The following NRXN3 variants were observed in gnomAD, a reference collection of about 807,000 sequenced individuals.
The protein encoded by NRXN3 is neurexin III.
A neutral mutation model predicts 137.6 loss-of-function variants in NRXN3; 32 were observed. The observed-to-expected ratio is 0.23, with a 90% CI of 0.18 to 0.31. The LOEUF (loss-of-function observed/expected upper bound fraction) is 0.31, where lower values mean the gene tolerates loss of function less well. Ranked by LOEUF, NRXN3 falls within the 10% of genes least tolerant of loss-of-function variation. The pLI is 1.00. For missense variants in NRXN3, 1,574 were observed against 2,062.5 expected, an observed-to-expected ratio of 0.76 and a Z score of 4.59; for synonymous variants, 798 against 784.5, an observed-to-expected ratio of 1.02 and a Z score of -0.29.
intron 4 of NRXN3, among the ~76,000 whole-genome samples, chr14:78,463,216 G>A (rs868703104): frequency 1.3e-5 from 2 of 152,018 alleles, no homozygotes; most frequent in African/African-American, 4.8e-5. Context: ...CATAGTGTGT[G>A]TATACATATA....
At chr14:79,114,864 T>C (rs554457551) in intron 15 of NRXN3, among the ~76,000 whole-genome samples, 2 of 152,084 alleles carry the variant, frequency 1.3e-5, no homozygotes, top group African/African-American at 4.8e-5. Flanking sequence ...AGTCTATACC[T>C]CTCTCTTGTC....
intron 15 of NRXN3, among the ~76,000 whole-genome samples, chr14:79,175,506 A>T (rs1366566723): frequency 6.6e-6 from 1 of 152,244 alleles, no homozygotes; most frequent in Non-Finnish European, 1.5e-5. Context: ...TATCAATATG[A>T]CTGTAAACTT....
chr14:79,405,005 G>A (rs1162292002), intron 15 of NRXN3, among the ~76,000 whole-genome samples: 2 of 152,126 alleles, frequency 1.3e-5, no homozygotes, highest in African/African-American at 4.8e-5. Context: ...TCCATGCAAT[G>A]ATCAAGTTCA....
At position 79,003,546 on chromosome 14, in the gene NRXN3, G is replaced by T. The variant is rs575829246; in HGVS notation, c.3262+15405G>T. ...ATACTGATGTGCTTTAACATGAAACGTGAGACCAGGAAGTGGAAGACCCGT... is the reference window on the plus strand; with the variant it reads ...ATACTGATGTGCTTTAACATGAAACTTGAGACCAGGAAGTGGAAGACCCGT... On this transcript the variant is annotated intron_variant, in intron 15 of 20. Transcript: ENST00000335750. Among the ~76,000 whole-genome samples the T allele has an allele frequency of 3.1e-3, 473 of 152,212 alleles. 2 individuals are homozygous for T. Among genetic ancestry groups the T allele is most frequent in the Non-Finnish European group, 5.5e-3 (375 of 67,998 alleles).
chr14:78,567,395 G>A (rs2096845991), intron 4 of NRXN3, among the ~76,000 whole-genome samples: 1 of 152,202 alleles, frequency 6.6e-6, no homozygotes, highest in Non-Finnish European at 1.5e-5. Flanking sequence ...AGGACAAGAG[G>A]GTGCCTATCT....
At chr14:78,749,423 C>CACTCAG (rs2098630523) in intron 8 of NRXN3, among the ~76,000 whole-genome samples, 1 of 152,168 alleles carries the variant, frequency 6.6e-6, no homozygotes, top group African/African-American at 2.4e-5. Context: ...ATCCTAGTTT[C>CACTCAG]ATTTTCAGTG....
chr14:78,495,878 A>G (rs1214992947), intron 4 of NRXN3, among the ~76,000 whole-genome samples: 2 of 152,232 alleles, frequency 1.3e-5, no homozygotes, highest in African/African-American at 4.8e-5. Context: ...TGCTAAAATG[A>G]CAAATCAGTT....
At chr14:79,296,978 C>T (rs1299895745) in intron 15 of NRXN3, among the ~76,000 whole-genome samples, 1 of 152,172 alleles carries the variant, frequency 6.6e-6, no homozygotes, top group African/African-American at 2.4e-5. Flanking sequence ...GATTCCAGCG[C>T]CCTGGCCTTC....
At chr14:79,162,312 T>G (rs2060865968) in intron 15 of NRXN3, among the ~76,000 whole-genome samples, 1 of 126,592 alleles carries the variant, frequency 7.9e-6, no homozygotes, top group Admixed American at 9.2e-5. Context: ...CCCACAACAG[T>G]CCCCAGAGTG....
intron 15 of NRXN3, among the ~76,000 whole-genome samples, chr14:79,425,736 T>A (rs1453811613): frequency 6.6e-6 from 1 of 152,242 alleles, no homozygotes; most frequent in Non-Finnish European, 1.5e-5. Flanking sequence ...TTTGAGACCA[T>A]ATGACCCAAG....
rs534605082 is a variant in NRXN3, at chr14:78,170,647, A to G, written c.-731A>G. 6.6e-6 allele frequency: 1 copy of G among 152,362 alleles called. No individual in the cohort carries two copies. The highest frequency in any genetic ancestry group is 1.9e-4 in the East Asian group (1 of 5,174). The allele number at this position is 152,362 out of a possible 1,614,324, so 9.4% of individuals were successfully genotyped here. On this transcript the variant is annotated 5_prime_UTR_variant, in exon 1 of 21. Transcript: ENST00000335750. Reference sequence around the variant, plus strand: ...AAACATCAAACAGACATACAGACAGATCCCAAATCTTCTGTTCAACTGGAA... The same window carrying G: ...AAACATCAAACAGACATACAGACAGGTCCCAAATCTTCTGTTCAACTGGAA...
At chr14:78,883,088 G>A (rs768884123) in intron 10 of NRXN3, among the ~76,000 whole-genome samples, 15 of 152,144 alleles carry the variant, frequency 9.9e-5, no homozygotes, top group Non-Finnish European at 1.6e-4. Context: ...CTTCTGCCAT[G>A]ATTGTAAGTT....
chr14:79,049,098 T>TAATAATAATTAATAATAATAC lies in NRXN3; in HGVS notation c.3262+60957_3262+60958insAATAATAATTAATAATAATAC, dbSNP rs1272827423. ...AATAATAATAATAATAATAATAATA[T>TAATAATAATTAATAATAATAC]GATGGGGTGTGCTGCATTGACTGAT... On this transcript the variant is annotated intron_variant, in intron 15 of 20. Transcript: ENST00000335750. Among the ~76,000 whole-genome samples, 274 of 102,290 alleles carry TAATAATAATTAATAATAATAC rather than the reference T, an allele frequency of 2.7e-3. 19 individuals carry two copies. Among genetic ancestry groups the TAATAATAATTAATAATAATAC allele is most frequent in the African/African-American group, 5.3e-3 (128 of 24,168 alleles). 67.1% of individuals were successfully genotyped at this position (102,290 alleles called of 152,430 possible).
chr14:79,858,467 C>A lies in NRXN3; in HGVS notation c.4094-2875C>A, dbSNP rs143280925. On this transcript the variant is annotated intron_variant, in intron 20 of 20. Coordinates refer to ENST00000335750, the MANE Select transcript of NRXN3 (RefSeq NM_001330195.2). ...CCAACAGTTTGCCTTTATATTCAAA[C>A]TATTTGTACCAGGGCTTTGCCTCCT... is the stretch of plus-strand genomic sequence containing the variant. Among the ~76,000 whole-genome samples the A allele has an allele frequency of 1.2e-4, 18 of 152,276 alleles. No homozygotes were observed. In the East Asian group the frequency reaches 3.3e-3, roughly 28 times the overall value.
intron 4 of NRXN3, among the ~76,000 whole-genome samples, chr14:78,387,889 A>G (rs1354204786): frequency 1.3e-5 from 2 of 152,170 alleles, no homozygotes; most frequent in Non-Finnish European, 1.5e-5. Context: ...GATGTGCCAG[A>G]GCTGCATTCT....
intron 15 of NRXN3, among the ~76,000 whole-genome samples, chr14:79,048,895 T>C (rs1376252103): frequency 2.0e-5 from 3 of 147,394 alleles, no homozygotes; most frequent in East Asian, 2.0e-4. Context: ...TGGTGGCGCG[T>C]GCCTGTAGTC....
At chr14:78,388,282 T>G (rs912965469) in intron 4 of NRXN3, among the ~76,000 whole-genome samples, 5 of 152,170 alleles carry the variant, frequency 3.3e-5, no homozygotes, top group African/African-American at 1.2e-4. Flanking sequence ...CATTTAGGCT[T>G]ATTGAGTGTA....
rs1164293951 is a variant in NRXN3 at position 78,943,649 on chromosome 14, T to A, written c.2276-13593T>A. ...ATATATATATATATATATATATATA[T>A]ATATATATATATATATATATATATA... On this transcript the variant is annotated intron_variant, in intron 10 of 20. Coordinates refer to ENST00000335750, the MANE Select transcript of NRXN3 (RefSeq NM_001330195.2). 8.5e-3 allele frequency among the ~76,000 whole-genome samples: 559 copies of A among 65,672 alleles called. 42 individuals are homozygous for A. Among genetic ancestry groups the A allele is most frequent in the African/African-American group, 0.04 (389 of 9,644 alleles). The allele number at this position is 65,672 out of a possible 152,430, so 43.1% of individuals were successfully genotyped here.
At chr14:79,028,843 T>C (rs1532728) in intron 15 of NRXN3, among the ~76,000 whole-genome samples, 79,086 of 151,878 alleles carry the variant, frequency 0.52, 23,418 homozygotes, top group East Asian at 0.78. Context: ...GAAGGTACCA[T>C]GAAGGGGTAT....
Sources: gnomAD v4.1 joint callset for allele counts (sites outside exome capture counted in the v4.1 genomes callset) on GRCh38, gnomAD v4.1.1 for gene constraint, MANE v1.5 for transcripts, NCBI Gene and HGNC (gene_info 2026-07-23, HGNC 2026-07-21) for gene names.